ZDHHC7: variants seen among roughly 807,000 people sequenced by gnomAD.
ZDHHC7 encodes zDHHC palmitoyltransferase 7.
In ZDHHC7, 12 loss-of-function variants were observed where a neutral mutation model predicts 34.1. That is an observed-to-expected ratio of 0.35 (90% CI 0.23 to 0.57). The LOEUF (loss-of-function observed/expected upper bound fraction) is 0.57. Ranked by LOEUF, ZDHHC7 falls within the 20% of genes least tolerant of loss-of-function variation. ZDHHC7 has a pLI of 0.84. For missense variants in ZDHHC7, 388 were observed against 402.7 expected, an observed-to-expected ratio of 0.96 and a Z score of 0.31; for synonymous variants, 185 against 155.4, an observed-to-expected ratio of 1.19 and a Z score of -1.42.
the ZDHHC7 span, among the ~76,000 whole-genome samples, chr16:85,023,318 C>T: frequency 6.6e-6 from 1 of 152,042 alleles, no homozygotes; most frequent in African/African-American, 2.4e-5. Flanking sequence ...AGGTGTACCA[C>T]CATGCCTGGC....
chr16:85,013,233 T>TTTATTA (rs202099440), upstream of ZDHHC7, among the ~76,000 whole-genome samples: 3 of 152,034 alleles, frequency 2.0e-5, no homozygotes, highest in African/African-American at 7.2e-5. Context: ...GTATTGTTCT[T>TTTATTA]TTATTATTAT....
At chr16:85,010,045 CTT>C (rs10630948) in intron 1 of ZDHHC7, among the ~76,000 whole-genome samples, 6 of 138,404 alleles carry the variant, frequency 4.3e-5, no homozygotes, top group Non-Finnish European at 4.6e-5. Context: ...AACAAAGTGA[CTT>C]TTTTTTTTTT....
intron 1 of ZDHHC7, among the ~76,000 whole-genome samples, chr16:85,005,170 A>G (rs1309595849): frequency 2.0e-5 from 3 of 152,210 alleles, no homozygotes; most frequent in Non-Finnish European, 4.4e-5. Context: ...TCCAAACCTC[A>G]TTAAGCATCC....
chr16:84,992,244 T>C (rs1027167024), intron 2 of ZDHHC7, among the ~76,000 whole-genome samples: 2 of 151,540 alleles, frequency 1.3e-5, no homozygotes, highest in East Asian at 1.9e-4. Flanking sequence ...CAGAGGCCGG[T>C]GGATCACGAG....
the ZDHHC7 span, among the ~76,000 whole-genome samples, chr16:85,019,200 C>G: frequency 6.6e-6 from 1 of 152,206 alleles, no homozygotes; most frequent in Admixed American, 6.5e-5. Flanking sequence ...CAACGTATTT[C>G]GTTTCCCTTC....
chr16:84,993,140 G>A (rs1304161227), intron 2 of ZDHHC7, among the ~76,000 whole-genome samples: 1 of 152,082 alleles, frequency 6.6e-6, no homozygotes, highest in East Asian at 1.9e-4. Context: ...CTGGGCAACA[G>A]AGTAAGACCT....
chr16:85,008,010 G>A (rs964571775), intron 1 of ZDHHC7, among the ~76,000 whole-genome samples: 1 of 151,996 alleles, frequency 6.6e-6, no homozygotes, highest in Admixed American at 6.5e-5. Context: ...TGTTAACCAG[G>A]AGGCTGAGGT....
rs2072335707 is a variant in ZDHHC7 at position 84,979,195 on chromosome 16, G to A, written c.531C>T (p.Leu177=). ...VGEKNQRFFV[L]FTMYIALSSV... Reference sequence around the variant, plus strand: ...CAAAAATATTTTTACTTACAGTGAAGAGCACAAAAAATCTTTGATTCTTTT... The same window carrying A: ...CAAAAATATTTTTACTTACAGTGAAAAGCACAAAAAATCTTTGATTCTTTT... Residue 177 remains leucine, a synonymous_variant, in exon 5 of 8, where the codon CTC becomes CTT. Transcript: ENST00000313732. The A allele has an allele frequency of 6.3e-7, 1 of 1,596,750 alleles. No homozygotes were observed.
At chr16:85,014,404 A>T (rs1409473151), upstream of ZDHHC7, among the ~76,000 whole-genome samples, 8 of 152,286 alleles carry the variant, frequency 5.3e-5, no homozygotes, top group African/African-American at 9.6e-5. Flanking sequence ...TCTTTTTTTT[A>T]GAAAAGGTTT....
chr16:84,988,797 C>T, intron 3 of ZDHHC7: 1 of 1,551,738 alleles, frequency 6.4e-7, no homozygotes, highest in Non-Finnish European at 8.7e-7. Context: ...GGTTCCCTCA[C>T]CACAAATGCC....
At chr16:85,022,295 TG>T in the ZDHHC7 span, among the ~76,000 whole-genome samples, 1 of 151,978 alleles carries the variant, frequency 6.6e-6, no homozygotes, top group African/African-American at 2.4e-5. Flanking sequence ...CCGAGGCGGT[TG>T]GATCACTTGG....
At chr16:85,021,409 C>CAAAAA in the ZDHHC7 span, among the ~76,000 whole-genome samples, 3 of 85,466 alleles carry the variant, frequency 3.5e-5, no homozygotes, top group Non-Finnish European at 7.0e-5. Flanking sequence ...AGACTCCATC[C>CAAAAA]AAAAAAAAAA....
chr16:85,026,084 C>T, the ZDHHC7 span, among the ~76,000 whole-genome samples: 1 of 152,188 alleles, frequency 6.6e-6, no homozygotes, highest in Non-Finnish European at 1.5e-5. Context: ...AGGAGAGGGT[C>T]TGCATGATAT....
At chr16:85,006,427 G>A (rs879772697) in intron 1 of ZDHHC7, among the ~76,000 whole-genome samples, 15 of 152,038 alleles carry the variant, frequency 9.9e-5, no homozygotes, top group African/African-American at 3.6e-4. Flanking sequence ...ATAATATATA[G>A]GGCCAGGTGC....
chr16:85,005,517 T>C (rs1251794546), intron 1 of ZDHHC7, among the ~76,000 whole-genome samples: 1 of 152,246 alleles, frequency 6.6e-6, no homozygotes, highest in Non-Finnish European at 1.5e-5. Flanking sequence ...GCTAAGTGCC[T>C]TGCTCAGATC....
chr16:85,026,733 T>C, the ZDHHC7 span, among the ~76,000 whole-genome samples: 2 of 152,078 alleles, frequency 1.3e-5, no homozygotes, highest in South Asian at 4.2e-4. Context: ...TTTTCTAAAA[T>C]TGACATTCAG....
the ZDHHC7 span, among the ~76,000 whole-genome samples, chr16:85,022,046 G>C: frequency 6.6e-6 from 1 of 151,382 alleles, no homozygotes; most frequent in Admixed American, 6.6e-5. Flanking sequence ...TGTAGTCCCA[G>C]CTACTCAGGA....
chr16:84,993,772 C>T (rs889239785), intron 2 of ZDHHC7, among the ~76,000 whole-genome samples: 1 of 152,208 alleles, frequency 6.6e-6, no homozygotes, highest in African/African-American at 2.4e-5. Context: ...TCTGAACCTA[C>T]ATCTTCTGCA....
chr16:85,018,504 A>C, the ZDHHC7 span, among the ~76,000 whole-genome samples: 1 of 151,370 alleles, frequency 6.6e-6, no homozygotes, highest in Non-Finnish European at 1.5e-5. Flanking sequence ...CTAGAGTGCA[A>C]TGGCACGATC....
Sources: allele counts gnomAD v4.1 joint callset (sites outside exome capture counted in the v4.1 genomes callset), GRCh38; gene constraint gnomAD v4.1.1; transcripts MANE v1.5; gene names NCBI Gene and HGNC (gene_info 2026-07-23, HGNC 2026-07-21).